XRRA1: variants seen among roughly 807,000 people sequenced by gnomAD.
XRRA1 encodes the protein X-ray radiation resistance associated 1.
In XRRA1, 69 loss-of-function variants were observed where a neutral mutation model predicts 80.2. The observed-to-expected ratio is 0.86, with a 90% CI of 0.71 to 1.05. XRRA1 has a LOEUF of 1.05. Ranked by LOEUF, XRRA1 falls within the 50% of genes least tolerant of loss-of-function variation. The pLI, the probability that XRRA1 is intolerant of heterozygous loss-of-function variation, is 0.00. For missense variants in XRRA1, 967 were observed against 976.4 expected (o/e 0.99, Z 0.13); for synonymous variants, 348 against 389.9 (o/e 0.89, Z 1.27).
At chr11:74,849,250 TGTA>T (rs1269559637) in intron 14 of XRRA1, among the ~76,000 whole-genome samples, 1 of 152,174 alleles carries the variant, frequency 6.6e-6, no homozygotes, top group African/African-American at 2.4e-5. Flanking sequence ...TTGCAAGCAC[TGTA>T]GTTAGAAAAA....
chr11:74,864,364 G>A (rs963276589), intron 10 of XRRA1, among the ~76,000 whole-genome samples: 1 of 152,116 alleles, frequency 6.6e-6, no homozygotes, highest in Non-Finnish European at 1.5e-5. Context: ...AGAAGATGGT[G>A]GAATAGAAAG....
At chr11:74,861,037 C>T (rs1277264817) in intron 11 of XRRA1, among the ~76,000 whole-genome samples, 1 of 152,152 alleles carries the variant, frequency 6.6e-6, no homozygotes, top group African/African-American at 2.4e-5. Flanking sequence ...GGCCAGTGAG[C>T]CTCCAATAAA....
At chr11:74,864,157 T>C (rs1349162589) in intron 10 of XRRA1, 1 of 152,170 alleles carries the variant, frequency 6.6e-6, no homozygotes, top group African/African-American at 2.4e-5. Context: ...ATAGAATAAT[T>C]AGTATCCTCT....
At chr11:74,918,584 A>G (rs1481748399) in intron 8 of XRRA1, among the ~76,000 whole-genome samples, 1 of 152,180 alleles carries the variant, frequency 6.6e-6, no homozygotes, top group Non-Finnish European at 1.5e-5. Context: ...GGAGGGAAGC[A>G]GGAGGGTAGC....
chr11:74,922,118 A>T (rs902501348), intron 7 of XRRA1, among the ~76,000 whole-genome samples: 7 of 151,916 alleles, frequency 4.6e-5, no homozygotes, highest in African/African-American at 1.7e-4. Context: ...TTAGCCAGGC[A>T]TGGTGGCACA....
intron 7 of XRRA1, among the ~76,000 whole-genome samples, chr11:74,925,837 A>G (rs1037677934): frequency 6.6e-5 from 10 of 152,308 alleles, no homozygotes; most frequent in African/African-American, 2.4e-4. Flanking sequence ...GACAAGATGC[A>G]TGGTACAACG....
chr11:74,853,926 T>C (rs2040476716), intron 12 of XRRA1, among the ~76,000 whole-genome samples: 1 of 151,854 alleles, frequency 6.6e-6, no homozygotes, highest in Non-Finnish European at 1.5e-5. Flanking sequence ...GGGAACTCAT[T>C]AGATGGATTT....
intron 1 of XRRA1, among the ~76,000 whole-genome samples, chr11:74,948,597 C>T (rs1948131932): frequency 6.6e-6 from 1 of 152,022 alleles, no homozygotes; most frequent in African/African-American, 2.4e-5. Flanking sequence ...GGCTTGAAAA[C>T]CGAGTTCAGA....
At chr11:74,935,737 A>C (rs1350456665) in intron 4 of XRRA1, among the ~76,000 whole-genome samples, 3 of 152,178 alleles carry the variant, frequency 2.0e-5, no homozygotes, top group Non-Finnish European at 2.9e-5. Flanking sequence ...CTGTCAATGA[A>C]ACATTCAAGT....
At chr11:74,932,377 C>T (rs571765919) in intron 5 of XRRA1, among the ~76,000 whole-genome samples, 123 of 152,294 alleles carry the variant, frequency 8.1e-4, no homozygotes, top group African/African-American at 2.8e-3. Context: ...TCATATTTCG[C>T]ACCCTCGTGT....
In XRRA1 at chr11:74,921,157, T is replaced by C. The variant is rs538243589; in HGVS notation, c.656+57A>G. On this transcript the variant is annotated intron_variant, in intron 8 of 18. Transcript: ENST00000684022. The stretch of plus-strand genomic sequence containing the variant: ...TGGCACTTCAAGCTGCTATGGGCTA[T>C]TTCCTTGGATATTTGTACACAAAAA... The C allele has an allele frequency of 3.8e-4, 611 of 1,595,918 alleles. 9 individuals are homozygous for C. The South Asian group carries it at 6.5e-3, about 17-fold the overall frequency.
At chr11:74,911,377 A>G (rs2055858905) in intron 8 of XRRA1, 1 of 152,098 alleles carries the variant, frequency 6.6e-6, no homozygotes, top group Non-Finnish European at 1.5e-5. Flanking sequence ...ATGCCTGGCC[A>G]ACCCACAGCT....
Position 74,927,503 on chromosome 11 carries a change from GAA to G in XRRA1, c.425-17_425-16del, listed in dbSNP as rs776066786. On this transcript the variant is annotated splice_polypyrimidine_tract_variant and intron_variant, in intron 6 of 18. Transcript: ENST00000684022. ...GTGAAATGCCTCTACATGGGGAAGA[GAA>G]AGAGAGAGTCTGCAGCTTGTAAAGG... 2.9e-5 allele frequency: 45 copies of G among 1,528,016 alleles called. No individual in the cohort carries two copies. Among genetic ancestry groups the G allele is most frequent in the Non-Finnish European group, 3.7e-5 (41 of 1,102,040 alleles). 94.7% of individuals were successfully genotyped at this position (1,528,016 alleles called of 1,614,324 possible). A position where few individuals can be genotyped will look rare whatever the true frequency, so the allele number is the denominator to read the frequency against.
Position 74,882,363 on chromosome 11 carries a change from G to A in XRRA1, c.1004-19342C>T, listed in dbSNP as rs572615486. Among the ~76,000 whole-genome samples the A allele has an allele frequency of 1.1e-3, 173 of 150,792 alleles. 1 individual carries two copies. The South Asian group carries it at 0.035, about 31-fold the overall frequency. ...CGAGCCTTGGTTTTCAGCTCCATCA[G>A]CTCCTTTAAGCACTTCTCTGTATTG... On this transcript the variant is annotated intron_variant, in intron 10 of 18. Transcript: ENST00000684022.
intron 10 of XRRA1, among the ~76,000 whole-genome samples, chr11:74,898,214 T>C (rs2052816812): frequency 6.6e-6 from 1 of 152,132 alleles, no homozygotes; most frequent in South Asian, 2.1e-4. Context: ...TAACGGGTTA[T>C]AAGATAGTAT....
At chr11:74,866,037 C>A (rs1378915439) in intron 10 of XRRA1, among the ~76,000 whole-genome samples, 1 of 152,182 alleles carries the variant, frequency 6.6e-6, no homozygotes, top group African/African-American at 2.4e-5. Context: ...CAGGCACACA[C>A]AAAGCCAGAC....
intron 5 of XRRA1, among the ~76,000 whole-genome samples, chr11:74,931,394 G>T (rs1221828369): frequency 6.7e-6 from 1 of 148,422 alleles, no homozygotes; most frequent in African/African-American, 2.5e-5. Flanking sequence ...GCACAATCTT[G>T]GCTCACCGCA....
intron 10 of XRRA1, among the ~76,000 whole-genome samples, chr11:74,887,472 C>A (rs1046695580): frequency 2.7e-4 from 41 of 152,176 alleles, no homozygotes; most frequent in African/African-American, 9.9e-4. Flanking sequence ...AGGAACAGCT[C>A]CAGTCTACAG....
chr11:74,914,889 G>A (rs1248929224), intron 8 of XRRA1, among the ~76,000 whole-genome samples: 1 of 151,964 alleles, frequency 6.6e-6, no homozygotes, highest in East Asian at 1.9e-4. Context: ...CAGCAAGACT[G>A]GAAAAGTTGC....
Sources: gnomAD v4.1 joint callset for allele counts (sites outside exome capture counted in the v4.1 genomes callset) on GRCh38, gnomAD v4.1.1 for gene constraint, MANE v1.5 for transcripts, NCBI Gene and HGNC (gene_info 2026-07-23, HGNC 2026-07-21) for gene names.